Variants in SPOCK1 observed in about 807,000 individuals in gnomAD.
The protein encoded by SPOCK1 is SPARC (osteonectin), cwcv and kazal like domains proteoglycan 1, also known as testican-1.
A neutral mutation model predicts 55.3 loss-of-function variants in SPOCK1; 23 were observed. The ratio of observed to expected loss-of-function variants is 0.42; its 90% CI spans 0.30 to 0.59. The LOEUF is 0.59. Among genes scored for constraint, SPOCK1 ranks in the 20% least tolerant of loss-of-function variants. SPOCK1 has a pLI of 0.22. For missense variants in SPOCK1, 499 were observed against 552.5 expected, an observed-to-expected ratio of 0.90 and a Z score of 0.97; for synonymous variants, 226 against 221.0, an observed-to-expected ratio of 1.02 and a Z score of -0.20.
chr5:137,396,705 C>A (rs1229726), intron 2 of SPOCK1, among the ~76,000 whole-genome samples: 30,846 of 152,182 alleles, frequency 0.2, 3,190 homozygotes, highest in South Asian at 0.28. Context: ...TTCCTAATAA[C>A]CCTATGAGGT....
At chr5:137,350,978 T>C (rs1332737989) in intron 2 of SPOCK1, among the ~76,000 whole-genome samples, 1 of 152,230 alleles carries the variant, frequency 6.6e-6, no homozygotes, top group Non-Finnish European at 1.5e-5. Flanking sequence ...ATTTCATTCA[T>C]GATTCTACAT....
At chr5:137,194,504 G>A (rs1755260019) in intron 3 of SPOCK1, among the ~76,000 whole-genome samples, 1 of 152,258 alleles carries the variant, frequency 6.6e-6, no homozygotes, top group African/African-American at 2.4e-5. Flanking sequence ...AGGGTGGGGG[G>A]CCAGGCAAGA....
intron 6 of SPOCK1, among the ~76,000 whole-genome samples, chr5:137,007,124 TCATA>T (rs1751264648): frequency 6.6e-6 from 1 of 152,070 alleles, no homozygotes; most frequent in African/African-American, 2.4e-5. Flanking sequence ...TCCTTACACC[TCATA>T]CAAAAATTAA....
At chr5:137,041,944 C>T (rs1279913425) in intron 6 of SPOCK1, among the ~76,000 whole-genome samples, 1 of 152,138 alleles carries the variant, frequency 6.6e-6, no homozygotes, top group African/African-American at 2.4e-5. Flanking sequence ...TAACAGCACT[C>T]CTAAGTATTT....
At chr5:137,498,726 C>G in intron 1 of SPOCK1, 168 bp from the exon 2 acceptor site, 1 of 342,558 alleles carries the variant, frequency 2.9e-6, no homozygotes, top group Non-Finnish European at 4.6e-6. Flanking sequence ...AGGGACCCCT[C>G]TCACGAATGG....
intron 6 of SPOCK1, among the ~76,000 whole-genome samples, chr5:137,064,170 A>G (rs1243465273): frequency 6.6e-6 from 1 of 152,158 alleles, no homozygotes; most frequent in African/African-American, 2.4e-5. Context: ...TGGATCCCAA[A>G]GAAAAAGAAA....
intron 2 of SPOCK1, among the ~76,000 whole-genome samples, chr5:137,325,483 G>T (rs1173327608): frequency 6.6e-6 from 1 of 152,168 alleles, no homozygotes; most frequent in African/African-American, 2.4e-5. Context: ...TTGCTAAGAA[G>T]AATTCTGCGT....
chr5:137,074,202 CAAATG>C (rs1455127166), intron 5 of SPOCK1, among the ~76,000 whole-genome samples: 6 of 152,164 alleles, frequency 3.9e-5, no homozygotes, highest in Non-Finnish European at 5.9e-5. Context: ...AAATCGGAAA[CAAATG>C]AAATGAGTGA....
intron 2 of SPOCK1, among the ~76,000 whole-genome samples, chr5:137,406,950 C>T (rs565366790): frequency 2.0e-5 from 3 of 152,312 alleles, no homozygotes; most frequent in South Asian, 2.1e-4. Flanking sequence ...ATTGAGGACA[C>T]TGATGCTCGC....
At chr5:137,394,672 T>C (rs1751803922) in intron 2 of SPOCK1, among the ~76,000 whole-genome samples, 2 of 152,088 alleles carry the variant, frequency 1.3e-5, no homozygotes, top group South Asian at 4.1e-4. Context: ...GCTCAATAAA[T>C]ATTCCCTGAG....
intron 6 of SPOCK1, among the ~76,000 whole-genome samples, chr5:137,044,137 C>G (rs1373198984): frequency 6.6e-6 from 1 of 152,232 alleles, no homozygotes; most frequent in East Asian, 1.9e-4. Context: ...AAGGGGAACA[C>G]AGTGTTCTAA....
intron 3 of SPOCK1, among the ~76,000 whole-genome samples, chr5:137,167,907 T>C (rs1024365476): frequency 5.3e-5 from 8 of 151,846 alleles, no homozygotes; most frequent in Admixed American, 5.3e-4. Context: ...TAACAATGCA[T>C]CTTAAAGAAT....
intron 6 of SPOCK1, among the ~76,000 whole-genome samples, chr5:137,022,070 C>A (rs1751587961): frequency 6.6e-6 from 1 of 152,110 alleles, no homozygotes; most frequent in Non-Finnish European, 1.5e-5. Context: ...TTGGACAGAG[C>A]TTTGTGACCG....
chr5:137,262,583 C>G (rs1306338297), intron 3 of SPOCK1, among the ~76,000 whole-genome samples: 1 of 152,188 alleles, frequency 6.6e-6, no homozygotes, highest in Non-Finnish European at 1.5e-5. Flanking sequence ...CCCTATTATC[C>G]AGTTCAGTGC....
chr5:136,992,344 A>T (rs1561573298), intron 7 of SPOCK1, 140 bp downstream of exon 7: 1 of 709,072 alleles, frequency 1.4e-6, no homozygotes, highest in Non-Finnish European at 2.3e-6. Flanking sequence ...TTTTAATCCA[A>T]CTTTTTTTTG....
At chr5:137,382,553 C>G (rs1302135279) in intron 2 of SPOCK1, among the ~76,000 whole-genome samples, 2 of 152,128 alleles carry the variant, frequency 1.3e-5, no homozygotes, top group Admixed American at 6.5e-5. Context: ...ACTGGGAGGC[C>G]TCAGGAAACT....
At chr5:137,465,853 A>C (rs1753607740) in intron 2 of SPOCK1, among the ~76,000 whole-genome samples, 2 of 152,240 alleles carry the variant, frequency 1.3e-5, no homozygotes. Context: ...CATATATTCC[A>C]GAATCCAGGG....
intron 2 of SPOCK1, among the ~76,000 whole-genome samples, chr5:137,396,385 GGTGTATT>G (rs1217472247): frequency 1.3e-5 from 2 of 152,172 alleles, no homozygotes; most frequent in Non-Finnish European, 2.9e-5. Flanking sequence ...TTTACATGAA[GGTGTATT>G]AAACCTGTGG....
intron 2 of SPOCK1, among the ~76,000 whole-genome samples, chr5:137,319,639 C>A (rs1757943570): frequency 6.6e-6 from 1 of 152,184 alleles, no homozygotes; most frequent in Non-Finnish European, 1.5e-5. Flanking sequence ...ACAACAGAAA[C>A]ACCAGCTTTA....
Sources: gnomAD v4.1 joint callset for allele counts (sites outside exome capture counted in the v4.1 genomes callset) on GRCh38, gnomAD v4.1.1 for gene constraint, MANE v1.5 for transcripts, NCBI Gene and HGNC (gene_info 2026-07-23, HGNC 2026-07-21) for gene names.